The following TRAPPC11 variants were observed in gnomAD, a reference collection of about 807,000 sequenced individuals.
The protein encoded by TRAPPC11 is foie gras homolog.
Under a neutral mutation model 151.2 loss-of-function variants are expected in TRAPPC11, and 104 were observed. The observed-to-expected ratio is 0.69, with a 90% CI of 0.59 to 0.81. The LOEUF (loss-of-function observed/expected upper bound fraction) is 0.81, where lower values mean the gene tolerates loss of function less well. Ranked by LOEUF, TRAPPC11 falls within the 30% of genes least tolerant of loss-of-function variation. The pLI is 0.00. For synonymous variants in TRAPPC11, 456 were observed against 472.3 expected (o/e 0.97, Z 0.45); for missense variants, 1,230 against 1,349.6 (o/e 0.91, Z 1.39).
At chr4:183,710,509 A>T (rs937659192) in intron 29 of TRAPPC11, among the ~76,000 whole-genome samples, 12 of 151,322 alleles carry the variant, frequency 7.9e-5, no homozygotes, top group African/African-American at 2.9e-4. Flanking sequence ...GATGGTCTCG[A>T]TCTCCTGACC....
At chr4:183,679,535 A>G in intron 9 of TRAPPC11, 49 bp downstream of exon 9, 2 of 1,482,102 alleles carry the variant, frequency 1.3e-6, no homozygotes, top group Non-Finnish European at 1.8e-6. Context: ...GATACATAGT[A>G]TTTGGAGAAA....
At chr4:183,686,182 G>T (rs1266357834) in intron 17 of TRAPPC11, among the ~76,000 whole-genome samples, 1 of 152,048 alleles carries the variant, frequency 6.6e-6, no homozygotes, top group Non-Finnish European at 1.5e-5. Context: ...TGTCACCTAG[G>T]CTGGAGGGCA....
chr4:183,669,016 G>A (rs780113691), intron 5 of TRAPPC11, among the ~76,000 whole-genome samples: 2 of 152,114 alleles, frequency 1.3e-5, no homozygotes, highest in Non-Finnish European at 2.9e-5. Context: ...AGGTTACCTG[G>A]CCTTCTCACT....
intron 29 of TRAPPC11, among the ~76,000 whole-genome samples, chr4:183,710,118 G>GA (rs1384347417): frequency 6.6e-6 from 1 of 152,082 alleles, no homozygotes; most frequent in African/African-American, 2.4e-5. Context: ...AACTAATACT[G>GA]AAAAGGAGAG....
At chr4:183,661,471 A>G (rs112096163) in intron 1 of TRAPPC11, among the ~76,000 whole-genome samples, 10 of 139,642 alleles carry the variant, frequency 7.2e-5, no homozygotes, top group African/African-American at 1.9e-4. Context: ...TCCCGGGTTC[A>G]CGCCATTCTC....
intron 15 of TRAPPC11, 67 bp downstream of exon 15, chr4:183,684,908 A>C (rs1409089554): frequency 2.4e-5 from 35 of 1,470,478 alleles, no homozygotes; most frequent in Non-Finnish European, 3.3e-5. Flanking sequence ...AAGCTTTTTA[A>C]AATTTAAAGA....
intron 26 of TRAPPC11, among the ~76,000 whole-genome samples, chr4:183,702,578 A>C (rs1736855364): frequency 6.6e-6 from 1 of 152,212 alleles, no homozygotes; most frequent in South Asian, 2.1e-4. Context: ...ATGCCATTGA[A>C]AAACATGCTA....
At chr4:183,694,500 G>C in intron 22 of TRAPPC11, 104 bp from the exon 23 acceptor site, 1 of 1,160,740 alleles carries the variant, frequency 8.6e-7, no homozygotes, top group Non-Finnish European at 1.2e-6. Context: ...AATTTAGCCA[G>C]TTGGTATAAA....
intron 18 of TRAPPC11, among the ~76,000 whole-genome samples, chr4:183,688,248 TGTA>T (rs1161569771): frequency 6.6e-6 from 1 of 152,052 alleles, no homozygotes; most frequent in Non-Finnish European, 1.5e-5. Context: ...GAGGGACAGC[TGTA>T]GTAGGCATGC....
In TRAPPC11 at chr4:183,686,718, T is replaced by C. The variant is rs1735989331; in HGVS notation, c.1863T>C (p.Phe621=). The part of the protein sequence containing the change: ...LKADCPHPIR[F]SKLCVSFNNQ... Reference sequence around the variant, plus strand: ...CTGATTGTCCACATCCCATTAGGTTTTCCAAGCTCTGTGTCAGCTTTAATA... The same window carrying C: ...CTGATTGTCCACATCCCATTAGGTTCTCCAAGCTCTGTGTCAGCTTTAATA... Residue 621 remains phenylalanine, a synonymous_variant, in exon 18 of 30, where the codon TTT becomes TTC. Coordinates refer to ENST00000334690, the MANE Select transcript of TRAPPC11 (RefSeq NM_021942.6). The C allele has an allele frequency of 6.2e-7, 1 of 1,614,040 alleles. No homozygotes were observed.
chr4:183,679,117 G>A (rs1254625722), intron 8 of TRAPPC11, among the ~76,000 whole-genome samples: 1 of 152,238 alleles, frequency 6.6e-6, no homozygotes, highest in East Asian at 1.9e-4. Flanking sequence ...TTTCTAAAGT[G>A]TAGAATAAAT....
chr4:183,673,032 C>A (rs1198223118), intron 5 of TRAPPC11, among the ~76,000 whole-genome samples: 2 of 150,072 alleles, frequency 1.3e-5, no homozygotes, highest in African/African-American at 2.5e-5. Flanking sequence ...GCGTCATCTC[C>A]GTTCATTGCA....
chr4:183,697,796 A>G lies in TRAPPC11; in HGVS notation c.2812A>G (p.Met938Val), dbSNP rs756850161. 1.1e-5 allele frequency: 17 copies of G among 1,614,002 alleles called. No individual in the cohort carries two copies. The highest frequency in any genetic ancestry group is 2.2e-5 in the East Asian group (1 of 44,874). The change falls in exon 25 of 30, where the codon ATG (methionine) becomes GTG (valine). Residue 938 changes from methionine to valine, a missense_variant. Physicochemically the swap from Met to Val is conservative, Grantham distance 21. Transcript: ENST00000334690. ...VSSELQLAPSMTTVDQLESQV... is the reference protein window; with the variant it reads ...VSSELQLAPSVTTVDQLESQV... Reference sequence around the variant, plus strand: ...CAGTGAGCTCCAGCTTGCTCCATCCATGACCACAGTGGACCAGCTCGAGTC... The same window carrying G: ...CAGTGAGCTCCAGCTTGCTCCATCCGTGACCACAGTGGACCAGCTCGAGTC...
chr4:183,701,782 C>T lies in TRAPPC11; in HGVS notation c.2937C>T (p.Thr979=), dbSNP rs200546920. 3.8e-5 allele frequency: 62 copies of T among 1,613,122 alleles called. No individual in the cohort carries two copies. The highest frequency in any genetic ancestry group is 1.9e-4 in the African/African-American group (14 of 75,020). ...SLGNIEGGVA[T]GHYIISWKRT... is the part of the protein sequence containing the mutation. ...GAAATATTGAAGGTGGAGTAGCAAC[C>T]GGGCATTATATTATCTCTTGGAAAA... Residue 979 remains threonine, a synonymous_variant, in exon 26 of 30, where the codon ACC becomes ACT. Coordinates refer to ENST00000334690, the MANE Select transcript of TRAPPC11 (RefSeq NM_021942.6).
intron 1 of TRAPPC11, among the ~76,000 whole-genome samples, chr4:183,661,901 A>G (rs962858290): frequency 1.2e-4 from 18 of 151,718 alleles, no homozygotes; most frequent in Non-Finnish European, 2.2e-4. Flanking sequence ...GGCTGGGACT[A>G]CAAGTGAGCA....
intron 11 of TRAPPC11, among the ~76,000 whole-genome samples, chr4:183,683,518 C>T (rs529941831): frequency 3.6e-4 from 55 of 151,708 alleles, no homozygotes; most frequent in African/African-American, 1.3e-3. Flanking sequence ...AAAAATTAGC[C>T]ACACATAGTG....
At position 183,684,189 on chromosome 4, in the gene TRAPPC11, G is replaced by T; in HGVS notation, c.1332G>T (p.Lys444Asn). Residue 444 changes from lysine to asparagine, a missense_variant, in exon 13 of 30, where the codon AAG becomes AAT. Physicochemically the swap from Lys to Asn is moderately conservative, Grantham distance 94. Coordinates refer to ENST00000334690, the MANE Select transcript of TRAPPC11 (RefSeq NM_021942.6). The stretch of plus-strand genomic sequence containing the variant: ...TGAGCAATGCTGTTGCACAGTTCAA[G>T]AAGTATAAGTGCCCGCGAATGAAAA... ...TLLSNAVAQFKKYKCPRMKSH... is the reference protein window; with the variant it reads ...TLLSNAVAQFNKYKCPRMKSH... 1 of 1,614,052 alleles carries T rather than the reference G, an allele frequency of 6.2e-7. No homozygotes were observed. The highest frequency in any genetic ancestry group is 8.5e-7 in the Non-Finnish European group (1 of 1,179,966).
chr4:183,692,620 C>G (rs920371592), intron 19 of TRAPPC11, among the ~76,000 whole-genome samples: 1 of 152,096 alleles, frequency 6.6e-6, no homozygotes, highest in Non-Finnish European at 1.5e-5. Flanking sequence ...CCATAGCCAT[C>G]ACAATACTTA....
In TRAPPC11 at chr4:183,685,110, T is replaced by C. The variant is rs1735898352; in HGVS notation, c.1594T>C (p.Ser532Pro). 3.1e-6 allele frequency: 5 copies of C among 1,613,804 alleles called. No homozygotes were observed. Among genetic ancestry groups the C allele is most frequent in the Non-Finnish European group, 4.2e-6 (5 of 1,179,918 alleles). Residue 532 changes from serine (S) to proline (P), a missense_variant, in exon 16 of 30, where the codon TCT becomes CCT. Physicochemically the swap from Ser to Pro is moderately conservative, Grantham distance 74. Transcript: ENST00000334690. ...RASTLKDDQK[S>P]RIEKNLINVL... ...TTCAACTCTGAAAGATGACCAGAAG[T>C]CTCGGATAGAAAAGAACCTCATAAA...
Sources: allele counts gnomAD v4.1 joint callset (sites outside exome capture counted in the v4.1 genomes callset), GRCh38; gene constraint gnomAD v4.1.1; transcripts MANE v1.5; gene names NCBI Gene and HGNC (gene_info 2026-07-23, HGNC 2026-07-21).